Variants in PITPNM2 observed in about 807,000 individuals in gnomAD.
The protein encoded by PITPNM2 is phosphatidylinositol transfer protein membrane associated 2, also known as membrane-associated phosphatidylinositol transfer protein 2.
In PITPNM2, 35 loss-of-function variants were observed where a neutral mutation model predicts 132.2. That is an observed-to-expected ratio of 0.26 (90% CI 0.20 to 0.35). PITPNM2 has a LOEUF of 0.35. PITPNM2 is among the 10% of genes least tolerant of loss of function. The pLI, the probability that PITPNM2 is intolerant of heterozygous loss-of-function variation, is 1.00. For synonymous variants in PITPNM2, 738 were observed against 799.2 expected (o/e 0.92, Z 1.29); for missense variants, 1,332 against 1,912.0 (o/e 0.70, Z 5.66).
chr12:123,070,799 G>C (rs1002092839), intron 2 of PITPNM2, among the ~76,000 whole-genome samples: 1 of 152,080 alleles, frequency 6.6e-6, no homozygotes, highest in Non-Finnish European at 1.5e-5. Flanking sequence ...GGCTAGTTGT[G>C]GGGGCAGCCC....
rs534965798 is a variant in PITPNM2, at chr12:123,054,989, G to A, written c.-95-20304C>T. 4.6e-5 allele frequency among the ~76,000 whole-genome samples: 7 copies of A among 152,196 alleles called. No homozygotes were observed. The East Asian group carries it at 1.4e-3, about 29-fold the overall frequency. On this transcript the variant is annotated intron_variant, in intron 2 of 25. Coordinates refer to ENST00000320201, the MANE Select transcript of PITPNM2 (RefSeq NM_020845.3). ...TGAGGCAGGAGAATCACTTGAATCC[G>A]GGAGCAGAGGCTGAAGTGGGCTGAG...
chr12:123,063,102 G>T (rs1474230360), intron 2 of PITPNM2, among the ~76,000 whole-genome samples: 2 of 152,282 alleles, frequency 1.3e-5, no homozygotes, highest in African/African-American at 4.8e-5. Context: ...GACGGAACCT[G>T]TGTTGCCCCA....
rs1193621323 is a variant in PITPNM2 at position 123,095,399 on chromosome 12, C to T, written c.-96+14986G>A. On this transcript the variant is annotated intron_variant, in intron 2 of 25. Transcript: ENST00000320201. This position sits in a 1 kb window ranked among gnomAD's most constrained non-coding sequence, Gnocchi z 5.0. ...TCTTTAGAAACAATCATTTCTTGGG[C>T]GTGCACCCACATGTGTACATCTCGA... 1.3e-5 allele frequency among the ~76,000 whole-genome samples: 2 copies of T among 152,184 alleles called. No homozygotes were observed. Among genetic ancestry groups the T allele is most frequent in the African/African-American group, 2.4e-5 (1 of 41,440 alleles).
chr12:123,011,870 C>T (rs924865494), intron 5 of PITPNM2, among the ~76,000 whole-genome samples: 1 of 152,156 alleles, frequency 6.6e-6, no homozygotes, highest in African/African-American at 2.4e-5. Context: ...GTGTGTTGTG[C>T]AAGCCACTCA....
At chr12:123,074,572 T>A (rs1457716999) in intron 2 of PITPNM2, among the ~76,000 whole-genome samples, 1 of 151,686 alleles carries the variant, frequency 6.6e-6, no homozygotes, top group Admixed American at 6.6e-5. Flanking sequence ...CACACGCATA[T>A]GCAAACACAT....
chr12:123,001,435 G>A (rs2038672614), intron 8 of PITPNM2, among the ~76,000 whole-genome samples: 1 of 152,236 alleles, frequency 6.6e-6, no homozygotes, highest in South Asian at 2.1e-4. Context: ...CTCCCTAAAT[G>A]GGAGCCTCAT....
intron 2 of PITPNM2, among the ~76,000 whole-genome samples, chr12:123,072,726 A>G (rs1245829076): frequency 6.6e-6 from 1 of 152,272 alleles, no homozygotes; most frequent in Non-Finnish European, 1.5e-5. Context: ...GGCTTTCAGG[A>G]TGCCGAAGGC....
At chr12:123,041,206 T>C (rs923866818) in intron 2 of PITPNM2, among the ~76,000 whole-genome samples, 3 of 152,182 alleles carry the variant, frequency 2.0e-5, no homozygotes, top group Admixed American at 6.5e-5. Context: ...TTAAATGAGG[T>C]GATGCACATG....
chr12:123,047,769 G>T (rs1227893667), intron 2 of PITPNM2, among the ~76,000 whole-genome samples: 1 of 151,972 alleles, frequency 6.6e-6, no homozygotes, highest in African/African-American at 2.4e-5. Context: ...AAAAAAGGGT[G>T]GGGGGAACCT....
At chr12:123,127,678 C>T (rs993599778) in intron 1 of PITPNM2, among the ~76,000 whole-genome samples, 22 of 149,280 alleles carry the variant, frequency 1.5e-4, no homozygotes, top group South Asian at 4.2e-4. Context: ...GGCGTGATCT[C>T]GGCTCACGGC....
Position 123,005,583 on chromosome 12 carries a change from G to A in PITPNM2, c.644-35C>T. On this transcript the variant is annotated intron_variant, in intron 6 of 25. Coordinates refer to ENST00000320201, the MANE Select transcript of PITPNM2 (RefSeq NM_020845.3). The surrounding 1 kb of genome is among the most constrained non-coding windows in gnomAD (Gnocchi z 6.2). ...ATGGGGATCAGAGAGGGAGAGACGA[G>A]GGGAGGGAGGTCAGCGCAGGAGCCT... 6.3e-7 allele frequency: 1 copy of A among 1,593,220 alleles called. No individual in the cohort carries two copies. The highest frequency in any genetic ancestry group is 1.1e-5 in the South Asian group (1 of 89,760).
At position 122,988,369 on chromosome 12, in the gene PITPNM2, G is replaced by A; in HGVS notation, c.2881-19C>T. ...TCATGACCTGGGAAGAGGGGACAGT[G>A]CAGGCTGTGGGGCAGATGCCACCCG... is the stretch of plus-strand genomic sequence containing the variant. On this transcript the variant is annotated intron_variant, in intron 19 of 25. Coordinates refer to ENST00000320201, the MANE Select transcript of PITPNM2 (RefSeq NM_020845.3). 7.5e-6 allele frequency: 12 copies of A among 1,606,474 alleles called. No individual in the cohort carries two copies. The highest frequency in any genetic ancestry group is 1.7e-5 in the Admixed American group (1 of 59,996).
chr12:123,024,078 A>AC (rs1266516602), intron 3 of PITPNM2, among the ~76,000 whole-genome samples: 2 of 152,100 alleles, frequency 1.3e-5, no homozygotes, highest in Non-Finnish European at 2.9e-5. Context: ...ACATAGCAAG[A>AC]CCCCATCTCT....
At position 123,092,404 on chromosome 12, in the gene PITPNM2, C is replaced by T. The variant is rs576081988; in HGVS notation, c.-96+17981G>A. The T allele has an allele frequency of 2.0e-5, 3 of 152,370 alleles. No individual in the cohort carries two copies. The South Asian group carries it at 6.2e-4, about 32-fold the overall frequency. The allele number at this position is 152,370 out of a possible 1,614,324, so 9.4% of individuals were successfully genotyped here. Reference sequence around the variant, plus strand: ...TTTTTCAAAACAAACAAAAAGGACTCCATCCTCTGGAAAGCATTGCCACAC... The same window carrying T: ...TTTTTCAAAACAAACAAAAAGGACTTCATCCTCTGGAAAGCATTGCCACAC... On this transcript the variant is annotated intron_variant, in intron 2 of 25. Transcript: ENST00000320201.
chr12:123,052,907 T>C (rs1359912734), intron 2 of PITPNM2, among the ~76,000 whole-genome samples: 9 of 152,030 alleles, frequency 5.9e-5, no homozygotes, highest in Admixed American at 5.9e-4. Flanking sequence ...TATTATTTAT[T>C]TTTTAACTCT....
chr12:123,086,823 G>A (rs945059531), intron 2 of PITPNM2, among the ~76,000 whole-genome samples: 2 of 152,288 alleles, frequency 1.3e-5, no homozygotes, highest in Non-Finnish European at 2.9e-5. Context: ...ACCTACAGCC[G>A]GCTTGCACAG....
intron 1 of PITPNM2, among the ~76,000 whole-genome samples, chr12:123,140,634 C>A (rs916227323): frequency 3.9e-5 from 6 of 152,024 alleles, no homozygotes; most frequent in African/African-American, 1.4e-4. Context: ...TGTCACCCAG[C>A]CAGTCTGAAC....
Position 122,985,936 on chromosome 12 carries a change from A to G in PITPNM2, c.*91T>C. Reference sequence around the variant, plus strand: ...GGCCCTGGGACAATCTCCCAGGCCCACGTCAGTGCGTGTGCCCAGGCCAGG... The same window carrying G: ...GGCCCTGGGACAATCTCCCAGGCCCGCGTCAGTGCGTGTGCCCAGGCCAGG... On this transcript the variant is annotated 3_prime_UTR_variant, in exon 26 of 26. Transcript: ENST00000320201. 8.4e-7 allele frequency: 1 copy of G among 1,190,392 alleles called. No homozygotes were observed. Among genetic ancestry groups the G allele is most frequent in the African/African-American group, 1.6e-5 (1 of 61,554 alleles). The allele number at this position is 1,190,392 out of a possible 1,614,324, so 73.7% of individuals were successfully genotyped here.
chr12:123,026,708 T>C (rs1237392091), intron 3 of PITPNM2, among the ~76,000 whole-genome samples: 1 of 152,214 alleles, frequency 6.6e-6, no homozygotes, highest in Non-Finnish European at 1.5e-5. Context: ...TCAGGCAGAC[T>C]TCACGCCTTT....
Sources: gnomAD v4.1 joint callset for allele counts (sites outside exome capture counted in the v4.1 genomes callset) on GRCh38, gnomAD v4.1.1 for gene constraint, Gnocchi (gnomAD v3.1) non-coding constraint, MANE v1.5 for transcripts, NCBI Gene and HGNC (gene_info 2026-07-23, HGNC 2026-07-21) for gene names.